MLIP: variants seen among roughly 807,000 people sequenced by gnomAD.
MLIP encodes muscular LMNA-interacting protein.
Under a neutral mutation model 84.8 loss-of-function variants are expected in MLIP, and 79 were observed. That is an observed-to-expected ratio of 0.93 (90% CI 0.78 to 1.12). MLIP has a LOEUF of 1.12. MLIP is among the 50% of genes most tolerant of loss of function. MLIP has a pLI of 0.00. For missense variants in MLIP, 1,257 were observed against 1,160.6 expected (o/e 1.08, Z -1.21); for synonymous variants, 504 against 463.0 (o/e 1.09, Z -1.14).
chr6:54,212,535 A>G (rs188808329), intron 11 of MLIP, among the ~76,000 whole-genome samples: 35 of 152,284 alleles, frequency 2.3e-4, no homozygotes, highest in African/African-American at 7.7e-4. Context: ...GTGCAGGTGT[A>G]TGTGTGCCTG....
chr6:54,022,894 G>A (rs1401976709), intron 1 of MLIP, among the ~76,000 whole-genome samples: 1 of 152,008 alleles, frequency 6.6e-6, no homozygotes, highest in Non-Finnish European at 1.5e-5. Context: ...ATGGCCGGGC[G>A]CGGTGGCTCA....
chr6:54,201,909 TA>T (rs1562051235), intron 10 of MLIP, among the ~76,000 whole-genome samples, 195 bp from the exon 11 acceptor site: 1 of 152,226 alleles, frequency 6.6e-6, no homozygotes, highest in Non-Finnish European at 1.5e-5. Context: ...CTGTTATAGT[TA>T]AATTTTAACT....
At chr6:54,150,435 A>T (rs911272450) in intron 5 of MLIP, among the ~76,000 whole-genome samples, 1 of 152,156 alleles carries the variant, frequency 6.6e-6, no homozygotes, top group Admixed American at 6.5e-5. Flanking sequence ...CTGGGGCCAT[A>T]ATGGTGGGAG....
chr6:54,184,128 C>T (rs2150649655), intron 9 of MLIP, among the ~76,000 whole-genome samples: 1 of 152,162 alleles, frequency 6.6e-6, no homozygotes, highest in East Asian at 1.9e-4. Flanking sequence ...GTACATCAGT[C>T]TTGAGGGGGA....
At chr6:54,159,959 A>G (rs1582328857) in intron 5 of MLIP, among the ~76,000 whole-genome samples, 2 of 152,046 alleles carry the variant, frequency 1.3e-5, no homozygotes, top group South Asian at 2.1e-4. Context: ...AAGCAGCATG[A>G]TACTGGTACC....
intron 12 of MLIP, among the ~76,000 whole-genome samples, chr6:54,239,048 G>T (rs1390839869): frequency 6.6e-6 from 1 of 151,998 alleles, no homozygotes; most frequent in Non-Finnish European, 1.5e-5. Context: ...AAGTTTTTAT[G>T]CAAGGGCTAG....
chr6:54,138,107 C>T lies in MLIP; in HGVS notation c.2038C>T (p.His680Tyr), dbSNP rs1190147480. 1 of 1,536,166 alleles carries T rather than the reference C, an allele frequency of 6.5e-7. No individual in the cohort carries two copies. Among genetic ancestry groups the T allele is most frequent in the Admixed American group, 2.0e-5 (1 of 51,002 alleles). The change falls in exon 4 of 14, where the codon CAC (histidine) becomes TAC (tyrosine). Residue 680 changes from histidine to tyrosine, a missense_variant. His to Tyr is a moderately conservative substitution (Grantham distance 83, BLOSUM62 2). Coordinates refer to ENST00000502396, the MANE Select transcript of MLIP (RefSeq NM_001281747.2). Reference sequence around the variant, plus strand: ...GCCCCAGCTCAGTCCCTCAGCTCTGCACCCACATTGCGGCAGTGGTACCTT... The same window carrying T: ...GCCCCAGCTCAGTCCCTCAGCTCTGTACCCACATTGCGGCAGTGGTACCTT... ...LVPQLSPSAL[H>Y]PHCGSGTLPS...
chr6:54,042,611 T>C (rs906455647), intron 1 of MLIP, among the ~76,000 whole-genome samples: 1 of 152,292 alleles, frequency 6.6e-6, no homozygotes, highest in East Asian at 1.9e-4. Flanking sequence ...AGCAGTATTC[T>C]GTGACATGAA....
At chr6:54,118,327 G>A (rs1379441736) in intron 1 of MLIP, among the ~76,000 whole-genome samples, 1 of 152,152 alleles carries the variant, frequency 6.6e-6, no homozygotes, top group Non-Finnish European at 1.5e-5. Flanking sequence ...CCAACACATG[G>A]ACCAATGGAA....
At chr6:54,034,543 C>T (rs1359561) in intron 1 of MLIP, among the ~76,000 whole-genome samples, 77,442 of 151,798 alleles carry the variant, frequency 0.51, 23,658 homozygotes, top group Non-Finnish European at 0.69. Flanking sequence ...ATAATAAAAG[C>T]ATTTAAAAAG....
At chr6:54,112,356 A>G (rs1195581092) in intron 1 of MLIP, among the ~76,000 whole-genome samples, 1 of 152,240 alleles carries the variant, frequency 6.6e-6, no homozygotes, top group Admixed American at 6.5e-5. Flanking sequence ...GTTGCATTGC[A>G]TAGTTGGTGT....
intron 5 of MLIP, 46 bp from the exon 6 acceptor site, chr6:54,160,321 T>G: frequency 6.8e-7 from 1 of 1,476,618 alleles, no homozygotes; most frequent in South Asian, 1.2e-5. Flanking sequence ...CTACTCCAGT[T>G]GTATGACTAG....
chr6:54,260,152 C>T (rs74988729), intron 13 of MLIP, among the ~76,000 whole-genome samples: 1 of 151,876 alleles, frequency 6.6e-6, no homozygotes, highest in Non-Finnish European at 1.5e-5. Context: ...TTTGTAGATA[C>T]TACCTTTTTA....
intron 1 of MLIP, among the ~76,000 whole-genome samples, chr6:54,033,251 G>C (rs921345443): frequency 1.3e-5 from 2 of 151,516 alleles, no homozygotes. Flanking sequence ...TTCCCATTTT[G>C]CAGTTGGAGG....
chr6:54,110,894 G>A (rs1305039250), upstream of MLIP, among the ~76,000 whole-genome samples: 1 of 152,178 alleles, frequency 6.6e-6, no homozygotes, highest in Non-Finnish European at 1.5e-5. Context: ...TTTTAGAGGT[G>A]ATTTTGTTAA....
Position 54,075,571 on chromosome 6 carries a change from A to G in MLIP, c.64-45876A>G, listed in dbSNP as rs548425828. On this transcript the variant is annotated intron_variant, in intron 1 of 12. Coordinates refer to the MLIP transcript ENST00000274897. ...ATTTACTCCATAGATATTAGTGCTT[A>G]TTGTTAGTAACTGCATTATTTGGAG... Among the ~76,000 whole-genome samples the G allele has an allele frequency of 5.3e-5, 8 of 152,268 alleles. No homozygotes were observed. The South Asian group carries it at 1.7e-3, about 32-fold the overall frequency.
intron 4 of MLIP, among the ~76,000 whole-genome samples, chr6:54,139,733 G>A (rs148838072): frequency 5.4e-4 from 82 of 152,140 alleles, no homozygotes; most frequent in Middle Eastern, 3.4e-3. Context: ...GGTCTGTTTC[G>A]GAGCTGACAT....
At chr6:54,126,067 C>A (rs1770896768) in intron 3 of MLIP, among the ~76,000 whole-genome samples, 2 of 151,850 alleles carry the variant, frequency 1.3e-5, no homozygotes, top group African/African-American at 2.4e-5. Context: ...GGTATTGGAA[C>A]AAAATATTAT....
At chr6:54,146,813 T>C (rs1772887543) in intron 4 of MLIP, among the ~76,000 whole-genome samples, 1 of 152,202 alleles carries the variant, frequency 6.6e-6, no homozygotes, top group Non-Finnish European at 1.5e-5. Flanking sequence ...ACAAGCACTG[T>C]AAATGATTAC....
Sources: allele counts gnomAD v4.1 joint callset (sites outside exome capture counted in the v4.1 genomes callset), GRCh38; gene constraint gnomAD v4.1.1; transcripts MANE v1.5; gene names NCBI Gene and HGNC (gene_info 2026-07-23, HGNC 2026-07-21).